The following WDR7 variants were observed in gnomAD, a reference collection of about 807,000 sequenced individuals.
The protein encoded by WDR7 is WD repeat-containing protein 7.
In WDR7, 46 loss-of-function variants were observed where a neutral mutation model predicts 169.4. That is an observed-to-expected ratio of 0.27 (90% confidence interval 0.21 to 0.35). WDR7 has a LOEUF of 0.35. Ranked by LOEUF, WDR7 falls within the 10% of genes least tolerant of loss-of-function variation. The pLI is 1.00. For missense variants in WDR7, 1,534 were observed against 1,859.3 expected, an observed-to-expected ratio of 0.83 and a Z score of 3.22; for synonymous variants, 612 against 666.8, an observed-to-expected ratio of 0.92 and a Z score of 1.27.
rs1011814379 is a variant in WDR7 at position 57,004,807 on chromosome 18, C to G, written c.4165-15938C>G. ...AACTTTGCAAGCAGAATTTGCCTTT[C>G]AGTGAGCCCATTATGACATTGAGTT... On this transcript the variant is annotated intron_variant, in intron 26 of 27. Transcript: ENST00000254442. 2.6e-5 allele frequency among the ~76,000 whole-genome samples: 4 copies of G among 152,118 alleles called. No homozygotes were observed. In the East Asian group the frequency reaches 5.8e-4, roughly 22 times the overall value.
At chr18:56,833,434 A>G (rs1267569043) in intron 20 of WDR7, among the ~76,000 whole-genome samples, 1 of 152,156 alleles carries the variant, frequency 6.6e-6, no homozygotes, top group East Asian at 1.9e-4. Context: ...ACAAACCTGC[A>G]TGTTCTGCAC....
intron 19 of WDR7, among the ~76,000 whole-genome samples, chr18:56,812,147 C>A (rs2044880178): frequency 6.6e-6 from 1 of 151,998 alleles, no homozygotes; most frequent in Admixed American, 6.6e-5. Context: ...TTTCTTTCAT[C>A]AGTGTTTTGT....
chr18:56,868,409 T>C (rs1347646030), intron 20 of WDR7, among the ~76,000 whole-genome samples: 1 of 152,162 alleles, frequency 6.6e-6, no homozygotes, highest in African/African-American at 2.4e-5. Flanking sequence ...AAATATGTTT[T>C]AAGTGAATCC....
intron 12 of WDR7, among the ~76,000 whole-genome samples, chr18:56,716,308 G>A (rs1018111196): frequency 9.9e-5 from 15 of 151,958 alleles, no homozygotes; most frequent in African/African-American, 3.6e-4. Context: ...ATGAAGGTTT[G>A]TAATACTATT....
chr18:56,739,737 C>T (rs2043585135), intron 14 of WDR7, among the ~76,000 whole-genome samples: 1 of 151,506 alleles, frequency 6.6e-6, no homozygotes, highest in Admixed American at 6.6e-5. Context: ...ATTTCATTAT[C>T]TTCTCATTTC....
intron 11 of WDR7, among the ~76,000 whole-genome samples, chr18:56,695,768 C>T (rs1312584617): frequency 6.6e-6 from 1 of 152,134 alleles, no homozygotes; most frequent in African/African-American, 2.4e-5. Context: ...CTCCTGACCT[C>T]AAGTGATCTG....
At chr18:56,896,845 A>G (rs961398528) in intron 21 of WDR7, among the ~76,000 whole-genome samples, 1 of 151,844 alleles carries the variant, frequency 6.6e-6, no homozygotes, top group Non-Finnish European at 1.5e-5. Context: ...TAAACTTACA[A>G]ACTTTTCTTC....
At chr18:56,704,279 G>A (rs2025899286) in intron 12 of WDR7, among the ~76,000 whole-genome samples, 1 of 152,116 alleles carries the variant, frequency 6.6e-6, no homozygotes, top group African/African-American at 2.4e-5. Context: ...GCTTACACCT[G>A]TAATTTCAAC....
intron 23 of WDR7, among the ~76,000 whole-genome samples, chr18:56,936,511 A>T (rs1170760744): frequency 2.0e-5 from 3 of 152,150 alleles, no homozygotes; most frequent in South Asian, 4.1e-4. Flanking sequence ...AATTTTTTTT[A>T]AAGGTTTATT....
At chr18:56,716,677 C>G (rs186242062) in intron 12 of WDR7, among the ~76,000 whole-genome samples, 1 of 152,242 alleles carries the variant, frequency 6.6e-6, no homozygotes, top group East Asian at 1.9e-4. Flanking sequence ...AAATTCAGTT[C>G]TGAGTTTCCA....
intron 12 of WDR7, among the ~76,000 whole-genome samples, chr18:56,714,100 A>G (rs1441247651): frequency 3.3e-5 from 5 of 152,226 alleles, no homozygotes; most frequent in Admixed American, 6.5e-5. Flanking sequence ...CCATCACCTC[A>G]GAATTAATTA....
At chr18:56,785,873 C>T (rs1425534789) in intron 19 of WDR7, among the ~76,000 whole-genome samples, 3 of 145,910 alleles carry the variant, frequency 2.1e-5, no homozygotes, top group Non-Finnish European at 3.0e-5. Context: ...GCTGTGTTGT[C>T]CTGGCTGGAC....
intron 20 of WDR7, among the ~76,000 whole-genome samples, chr18:56,858,060 ATC>A (rs1172052505): frequency 1.3e-5 from 2 of 151,916 alleles, no homozygotes; most frequent in African/African-American, 4.8e-5. Context: ...TCCAGATCTC[ATC>A]TCTCTGCTGA....
At chr18:56,724,441 A>G (rs903673773) in intron 13 of WDR7, among the ~76,000 whole-genome samples, 8 of 151,732 alleles carry the variant, frequency 5.3e-5, no homozygotes, top group African/African-American at 1.7e-4. Flanking sequence ...CGAGCTCCTG[A>G]CCTCAGGTGA....
chr18:56,682,909 C>A, intron 5 of WDR7, 56 bp downstream of exon 5: 1 of 1,487,184 alleles, frequency 6.7e-7, no homozygotes, highest in Non-Finnish European at 9.2e-7. Flanking sequence ...GTTTAGTTTA[C>A]TAGAACATTC....
intron 26 of WDR7, among the ~76,000 whole-genome samples, chr18:57,007,924 G>C (rs935297996): frequency 6.6e-6 from 1 of 152,084 alleles, no homozygotes; most frequent in African/African-American, 2.4e-5. Flanking sequence ...CCAGGAACAG[G>C]GCTGAGTGCA....
intron 2 of WDR7, among the ~76,000 whole-genome samples, chr18:56,676,371 T>A (rs1292618331): frequency 6.6e-6 from 1 of 152,200 alleles, no homozygotes; most frequent in East Asian, 1.9e-4. Context: ...ACATTCAGTG[T>A]TATTATTGAT....
intron 2 of WDR7, among the ~76,000 whole-genome samples, chr18:56,674,755 A>G (rs557207002): frequency 1.3e-5 from 2 of 152,274 alleles, no homozygotes; most frequent in East Asian, 3.9e-4. Flanking sequence ...ATCTAAGGTC[A>G]TGAAGATTTA....
At chr18:56,797,827 G>GAGC (rs1213924166) in intron 19 of WDR7, among the ~76,000 whole-genome samples, 1 of 152,122 alleles carries the variant, frequency 6.6e-6, no homozygotes, top group Non-Finnish European at 1.5e-5. Context: ...CACATACATG[G>GAGC]AGCACAGCAT....
Sources: allele counts gnomAD v4.1 joint callset (sites outside exome capture counted in the v4.1 genomes callset), GRCh38; gene constraint gnomAD v4.1.1; transcripts MANE v1.5; gene names NCBI Gene and HGNC (gene_info 2026-07-23, HGNC 2026-07-21).